Variants in FOXN3 observed in about 807,000 individuals in gnomAD.
FOXN3 encodes forkhead box protein N3.
A neutral mutation model predicts 38.4 loss-of-function variants in FOXN3; 7 were observed. That is an observed-to-expected ratio of 0.18 (90% CI 0.10 to 0.34). The LOEUF is 0.34. Among genes scored for constraint, FOXN3 ranks in the 10% least tolerant of loss-of-function variants. The pLI is 1.00. For synonymous variants in FOXN3, 230 were observed against 242.2 expected, an observed-to-expected ratio of 0.95 and a Z score of 0.47; for missense variants, 456 against 613.4, an observed-to-expected ratio of 0.74 and a Z score of 2.71.
intron 1 of FOXN3, among the ~76,000 whole-genome samples, chr14:89,487,313 T>A (rs1014281231): frequency 1.3e-5 from 2 of 152,206 alleles, no homozygotes; most frequent in African/African-American, 4.8e-5. Context: ...ACGAACTCTC[T>A]AATGAAAAGA....
chr14:89,238,394 A>G (rs778836415), intron 4 of FOXN3, among the ~76,000 whole-genome samples: 1 of 152,252 alleles, frequency 6.6e-6, no homozygotes, highest in Non-Finnish European at 1.5e-5. Flanking sequence ...TCTTCAAATT[A>G]TGTTTTCCAA....
intron 3 of FOXN3, chr14:89,291,270 G>C (rs1886863926): frequency 4.5e-6 from 2 of 446,824 alleles, no homozygotes; most frequent in Non-Finnish European, 8.7e-6. Context: ...TTGGACTTCT[G>C]AATCTTTTCT....
intron 1 of FOXN3, among the ~76,000 whole-genome samples, chr14:89,531,254 C>T (rs1894562911): frequency 6.6e-6 from 1 of 151,872 alleles, no homozygotes; most frequent in Non-Finnish European, 1.5e-5. Flanking sequence ...AGCGTAGAAG[C>T]CCTGTGAACA....
rs1407232828 is a variant in FOXN3, at chr14:89,164,084, ATGCCTGCAGG to A, written c.852-1125_852-1116del. On this transcript the variant is annotated intron_variant, in intron 5 of 5. Coordinates refer to ENST00000557258, the MANE Select transcript of FOXN3 (RefSeq NM_005197.4). This position sits in a 1 kb window ranked among gnomAD's most constrained non-coding sequence, Gnocchi z 4.3. ...GGTGTGGGGCTGAGGACACGAATTA[ATGCCTGCAGG>A]TGCCTGGACCACGGCTTGGCCTGAC... 6.6e-6 allele frequency among the ~76,000 whole-genome samples: 1 copy of A among 152,230 alleles called. No individual in the cohort carries two copies. Among genetic ancestry groups the A allele is most frequent in the African/African-American group, 2.4e-5 (1 of 41,456 alleles).
At chr14:89,314,467 A>T (rs1887664999) in intron 3 of FOXN3, among the ~76,000 whole-genome samples, 1 of 152,220 alleles carries the variant, frequency 6.6e-6, no homozygotes, top group Non-Finnish European at 1.5e-5. Context: ...CTCAACCAAA[A>T]GAACTTAAAT....
chr14:89,545,362 C>T (rs1166828960), intron 1 of FOXN3, among the ~76,000 whole-genome samples: 1 of 152,246 alleles, frequency 6.6e-6, no homozygotes, highest in Middle Eastern at 3.2e-3. Context: ...GCAACCAAAA[C>T]AAGAAGACGA....
intron 1 of FOXN3, among the ~76,000 whole-genome samples, chr14:89,426,452 C>G (rs112413778): frequency 0.054 from 8,169 of 151,910 alleles, 286 homozygotes; most frequent in East Asian, 0.086. Context: ...GTCTAGAACT[C>G]CTGACCTCAG....
chr14:89,201,329 G>A lies in FOXN3; in HGVS notation c.746-20523C>T, dbSNP rs1260372842. Among the ~76,000 whole-genome samples the A allele has an allele frequency of 2.0e-5, 3 of 152,330 alleles. No homozygotes were observed. The East Asian group carries it at 5.8e-4, about 29-fold the overall frequency. On this transcript the variant is annotated intron_variant, in intron 4 of 5. Transcript: ENST00000557258. ...AAGAGATTCTGACCCTGCAGGGAGG[G>A]AGGAGAGGGCGATTAATGCCGAAGC...
At chr14:89,538,549 G>A (rs1208267026) in intron 1 of FOXN3, among the ~76,000 whole-genome samples, 1 of 151,796 alleles carries the variant, frequency 6.6e-6, no homozygotes, top group East Asian at 1.9e-4. Context: ...ATGGAGTTTT[G>A]CCTTTGTTGC....
chr14:89,157,759 A>G lies in FOXN3; in HGVS notation c.*4655T>C, dbSNP rs1480972839. On this transcript the variant is annotated 3_prime_UTR_variant, in exon 6 of 6. Coordinates refer to ENST00000557258, the MANE Select transcript of FOXN3 (RefSeq NM_005197.4). Reference sequence around the variant, plus strand: ...TATATATAGTAGTATAAATAATAAAAAAGTATTATTTAAATTAGATCACAG... The same window carrying G: ...TATATATAGTAGTATAAATAATAAAGAAGTATTATTTAAATTAGATCACAG... The G allele has an allele frequency of 6.6e-6, 1 of 152,642 alleles. No homozygotes were observed. The highest frequency in any genetic ancestry group is 1.5e-5 in the Non-Finnish European group (1 of 68,042). 9.5% of individuals were successfully genotyped at this position (152,642 alleles called of 1,614,324 possible). A position where few individuals can be genotyped will look rare whatever the true frequency, so the allele number is the denominator to read the frequency against.
chr14:89,498,011 A>G (rs887189214), intron 1 of FOXN3, among the ~76,000 whole-genome samples: 1 of 151,938 alleles, frequency 6.6e-6, no homozygotes, highest in Non-Finnish European at 1.5e-5. Flanking sequence ...GATTAGTGAC[A>G]TTGAGCATTT....
intron 4 of FOXN3, among the ~76,000 whole-genome samples, chr14:89,249,689 G>C (rs866862404): frequency 8.5e-5 from 13 of 152,172 alleles, no homozygotes; most frequent in African/African-American, 3.1e-4. Context: ...TCATTCGGGA[G>C]AAAGAAACAC....
chr14:89,337,239 T>C (rs187049548), intron 3 of FOXN3, among the ~76,000 whole-genome samples: 30 of 152,280 alleles, frequency 2.0e-4, no homozygotes, highest in African/African-American at 7.2e-4. Context: ...AGCATTTGGG[T>C]GACTTTCTTC....
chr14:89,212,381 T>C (rs1261147746), intron 4 of FOXN3, among the ~76,000 whole-genome samples: 1 of 152,172 alleles, frequency 6.6e-6, no homozygotes, highest in Non-Finnish European at 1.5e-5. Context: ...TAAATTCAGT[T>C]CTGCCAATTA....
intron 1 of FOXN3, among the ~76,000 whole-genome samples, chr14:89,556,240 C>T: frequency 6.6e-6 from 1 of 151,952 alleles, no homozygotes; most frequent in South Asian, 2.1e-4. Context: ...CCCGTCTCTA[C>T]TAAAAATACA....
chr14:89,160,589 G>A lies in FOXN3; in HGVS notation c.*1825C>T, dbSNP rs1887074541. ...ATGGTAATGATTTTCTCAAGTAAGC[G>A]TCCCATAATTCTCTTGATTCTATCA... On this transcript the variant is annotated 3_prime_UTR_variant, in exon 6 of 6. Coordinates refer to ENST00000557258, the MANE Select transcript of FOXN3 (RefSeq NM_005197.4). The A allele has an allele frequency of 6.6e-6, 1 of 152,364 alleles. No homozygotes were observed. Among genetic ancestry groups the A allele is most frequent in the African/African-American group, 2.4e-5 (1 of 41,354 alleles). The allele number at this position is 152,364 out of a possible 1,614,324, so 9.4% of individuals were successfully genotyped here.
chr14:89,161,088 T>C lies in FOXN3; in HGVS notation c.*1326A>G, dbSNP rs1262628936. On this transcript the variant is annotated 3_prime_UTR_variant, in exon 6 of 6. Coordinates refer to ENST00000557258, the MANE Select transcript of FOXN3 (RefSeq NM_005197.4). ...ATACATTATTTACCTTACAAGAACT[T>C]TGTTACTTTTGAATAAAAAAAGTTT... is the stretch of plus-strand genomic sequence containing the variant. The C allele has an allele frequency of 6.6e-6, 1 of 152,480 alleles. No homozygotes were observed. Among genetic ancestry groups the C allele is most frequent in the Non-Finnish European group, 1.5e-5 (1 of 68,022 alleles). 9.4% of individuals were successfully genotyped at this position (152,480 alleles called of 1,614,324 possible).
At chr14:89,595,918 G>A (rs1896048146) in intron 1 of FOXN3, among the ~76,000 whole-genome samples, 1 of 152,090 alleles carries the variant, frequency 6.6e-6, no homozygotes, top group Non-Finnish European at 1.5e-5. Flanking sequence ...GAGAATAAAT[G>A]TTAATTACAT....
chr14:89,162,769 C>A lies in FOXN3; in HGVS notation c.1052G>T (p.Ser351Ile). The A allele has an allele frequency of 6.2e-7, 1 of 1,612,946 alleles. No individual in the cohort carries two copies. ...DDHYEFATKG[S>I]QEGSEGSEGS... ...CTCGCTGCCCTCGCTGCCCTCCTGGCTCCCCTTGGTGGCAAACTCATAGTG... is the reference window on the plus strand; with the variant it reads ...CTCGCTGCCCTCGCTGCCCTCCTGGATCCCCTTGGTGGCAAACTCATAGTG... Residue 351 changes from serine (S) to isoleucine (I), a missense_variant, in exon 6 of 6, where the codon AGC becomes ATC. Ser to Ile is a moderately radical substitution (Grantham distance 142, BLOSUM62 -2). Transcript: ENST00000557258. This position sits in a 1 kb window ranked among gnomAD's most constrained non-coding sequence, Gnocchi z 7.2.
Sources: allele counts gnomAD v4.1 joint callset (sites outside exome capture counted in the v4.1 genomes callset), GRCh38; gene constraint gnomAD v4.1.1; non-coding constraint Gnocchi (gnomAD v3.1); transcripts MANE v1.5; gene names NCBI Gene and HGNC (gene_info 2026-07-23, HGNC 2026-07-21).